The following ABCG2 variants were observed in gnomAD, a reference collection of about 807,000 sequenced individuals.
ABCG2 encodes the protein broad substrate specificity ATP-binding cassette transporter ABCG2.
In ABCG2, 80 loss-of-function variants were observed where a neutral mutation model predicts 73.5. That is an observed-to-expected ratio of 1.09 (90% CI 0.91 to 1.31). The LOEUF (loss-of-function observed/expected upper bound fraction) is 1.31. Among genes scored for constraint, ABCG2 ranks in the 50% most tolerant of loss-of-function variants. ABCG2 has a pLI of 0.00. For synonymous variants in ABCG2, 269 were observed against 282.4 expected (o/e 0.95, Z 0.48); for missense variants, 796 against 786.2 (o/e 1.01, Z -0.15).
At position 88,230,776 on chromosome 4, in the gene ABCG2, A is replaced by C. The variant is rs183648317; in HGVS notation, c.-20+218T>G. On this transcript the variant is annotated intron_variant, in intron 1 of 15. Transcript: ENST00000515655. ...GCCCTTTTTACTCAAAGTGTGGTCCATAGAGGTCAGCTGAGATGTGCAGAA... is the reference window on the plus strand; with the variant it reads ...GCCCTTTTTACTCAAAGTGTGGTCCCTAGAGGTCAGCTGAGATGTGCAGAA... 3.2e-4 allele frequency among the ~76,000 whole-genome samples: 49 copies of C among 152,306 alleles called. 1 individual carries two copies. In the East Asian group the frequency reaches 9.5e-3, roughly 29 times the overall value.
At chr4:88,138,326 C>A (rs1725390384) in intron 2 of ABCG2, among the ~76,000 whole-genome samples, 1 of 152,064 alleles carries the variant, frequency 6.6e-6, no homozygotes, top group Non-Finnish European at 1.5e-5. Flanking sequence ...GGTATGGAGA[C>A]AAACAAGCAT....
chr4:88,229,062 C>T (rs964256241), intron 1 of ABCG2, among the ~76,000 whole-genome samples: 1 of 152,198 alleles, frequency 6.6e-6, no homozygotes, highest in African/African-American at 2.4e-5. Flanking sequence ...CCGCTTGGGT[C>T]CCCTTCCACA....
chr4:88,149,948 T>C (rs1161396186), intron 1 of ABCG2, among the ~76,000 whole-genome samples: 1 of 151,962 alleles, frequency 6.6e-6, no homozygotes, highest in Middle Eastern at 3.2e-3. Flanking sequence ...CAGATAAACA[T>C]CCCGGCCCTC....
intron 1 of ABCG2, among the ~76,000 whole-genome samples, chr4:88,185,426 T>G (rs536215694): frequency 6.6e-6 from 1 of 152,238 alleles, no homozygotes; most frequent in East Asian, 1.9e-4. Flanking sequence ...ATCTCCAGGA[T>G]ATGGAACTGG....
chr4:88,220,927 C>T (rs1482108463), intron 1 of ABCG2, among the ~76,000 whole-genome samples: 2 of 152,126 alleles, frequency 1.3e-5, no homozygotes, highest in African/African-American at 4.8e-5. Context: ...TGAGGCTTCT[C>T]CAGCCCTGTA....
Position 88,131,266 on chromosome 4 carries a change from G to A in ABCG2, c.379-53C>T. On this transcript the variant is annotated intron_variant, in intron 4 of 15. Coordinates refer to ENST00000237612, the MANE Select transcript of ABCG2 (RefSeq NM_004827.3). ...CATAATGATAATGAGTCTTTTCTAA[G>A]ACCATGACTGTTTAGTATACATAAC... The A allele has an allele frequency of 1.9e-6, 3 of 1,556,008 alleles. No homozygotes were observed. In the South Asian group the frequency reaches 3.4e-5, roughly 18 times the overall value.
intron 6 of ABCG2, among the ~76,000 whole-genome samples, chr4:88,120,144 A>G (rs2622618): frequency 0.98 from 149,564 of 152,310 alleles, 73,498 homozygotes; most frequent in East Asian, 1. Flanking sequence ...GAGAGTTGGC[A>G]GCTTCCATGT....
intron 2 of ABCG2, among the ~76,000 whole-genome samples, chr4:88,133,800 C>A (rs1275259530): frequency 1.3e-5 from 2 of 152,152 alleles, no homozygotes; most frequent in African/African-American, 4.8e-5. Context: ...GAGTTCTAGA[C>A]CAGCCTGGCC....
chr4:88,157,482 C>G (rs1727025246), intron 1 of ABCG2, among the ~76,000 whole-genome samples: 1 of 152,082 alleles, frequency 6.6e-6, no homozygotes, highest in South Asian at 2.1e-4. Context: ...AGTTTTGGCC[C>G]TTGTTATGCA....
intron 1 of ABCG2, among the ~76,000 whole-genome samples, chr4:88,229,158 C>G (rs905298691): frequency 6.6e-6 from 1 of 152,224 alleles, no homozygotes; most frequent in Admixed American, 6.5e-5. Flanking sequence ...TGAGCCATAA[C>G]ACTTGCTGCG....
chr4:88,215,173 T>C (rs977052967), intron 1 of ABCG2, among the ~76,000 whole-genome samples: 4 of 152,132 alleles, frequency 2.6e-5, no homozygotes, highest in Admixed American at 2.6e-4. Flanking sequence ...GTGTAAATTA[T>C]AAGGGTGTTA....
intron 9 of ABCG2, among the ~76,000 whole-genome samples, chr4:88,112,270 G>A (rs1578186581): frequency 6.6e-6 from 1 of 152,120 alleles, no homozygotes. Flanking sequence ...TGTTTCACCT[G>A]TAAACTGTCT....
intron 1 of ABCG2, among the ~76,000 whole-genome samples, chr4:88,212,508 C>T (rs771936043): frequency 1.6e-4 from 25 of 152,158 alleles, no homozygotes; most frequent in Non-Finnish European, 3.5e-4. Flanking sequence ...TTGTTCTCCA[C>T]CCTGCGTTAC....
At chr4:88,121,563 CT>C in intron 6 of ABCG2, 71 bp downstream of exon 6, 2 of 1,411,608 alleles carry the variant, frequency 1.4e-6, no homozygotes, top group South Asian at 1.4e-5. Flanking sequence ...TCTGAACCCC[CT>C]GCCCCAAGAA....
At chr4:88,106,478 A>G (rs535102364) in intron 10 of ABCG2, among the ~76,000 whole-genome samples, 31 of 152,212 alleles carry the variant, frequency 2.0e-4, no homozygotes, top group Non-Finnish European at 4.0e-4. Flanking sequence ...AATGAGCCAT[A>G]AAGACAACAT....
chr4:88,119,457 G>A (rs1172348945), intron 6 of ABCG2, among the ~76,000 whole-genome samples: 2 of 152,244 alleles, frequency 1.3e-5, no homozygotes, highest in African/African-American at 4.8e-5. Flanking sequence ...CTAAGAAGAA[G>A]ACAGGAAGAT....
At chr4:88,176,427 T>A (rs1578257392) in intron 1 of ABCG2, among the ~76,000 whole-genome samples, 1 of 151,120 alleles carries the variant, frequency 6.6e-6, no homozygotes, top group African/African-American at 2.4e-5. Context: ...AGCTATTAAC[T>A]AACTTTCAAT....
chr4:88,098,041 G>A (rs1258583552), intron 12 of ABCG2, among the ~76,000 whole-genome samples: 1 of 152,322 alleles, frequency 6.6e-6, no homozygotes, highest in South Asian at 2.1e-4. Context: ...TGGGGGAGGG[G>A]GAGGGGGCCT....
At chr4:88,229,508 C>T (rs1007726901) in intron 1 of ABCG2, among the ~76,000 whole-genome samples, 2 of 152,162 alleles carry the variant, frequency 1.3e-5, no homozygotes, top group African/African-American at 4.8e-5. Flanking sequence ...AACCTACCTA[C>T]TCTGTCTCTG....
Sources: gnomAD v4.1 joint callset for allele counts (sites outside exome capture counted in the v4.1 genomes callset) on GRCh38, gnomAD v4.1.1 for gene constraint, MANE v1.5 for transcripts, NCBI Gene and HGNC (gene_info 2026-07-23, HGNC 2026-07-21) for gene names.